The following PCNX4 variants were observed in gnomAD, a reference collection of about 807,000 sequenced individuals.
The protein encoded by PCNX4 is pecanex-like protein 4.
Under a neutral mutation model 107.2 loss-of-function variants are expected in PCNX4, and 103 were observed. That is an observed-to-expected ratio of 0.96 (90% CI 0.82 to 1.13). The LOEUF is 1.13. Ranked by LOEUF, PCNX4 falls within the 50% of genes most tolerant of loss-of-function variation. The pLI is 0.00. For synonymous variants in PCNX4, 541 were observed against 481.7 expected (o/e 1.12, Z -1.61); for missense variants, 1,528 against 1,379.4 (o/e 1.11, Z -1.71).
At chr14:60,113,702 C>T (rs997876492) in intron 2 of PCNX4, among the ~76,000 whole-genome samples, 4 of 152,160 alleles carry the variant, frequency 2.6e-5, no homozygotes, top group African/African-American at 7.2e-5. Flanking sequence ...TTGGATTTCC[C>T]GTAGTTTGGG....
At chr14:60,132,608 T>C (rs1394459423) in intron 10 of PCNX4, among the ~76,000 whole-genome samples, 2 of 151,966 alleles carry the variant, frequency 1.3e-5, no homozygotes, top group African/African-American at 4.8e-5. Flanking sequence ...TAGATAAATA[T>C]GACTTCATCA....
At position 60,125,105 on chromosome 14, in the gene PCNX4, T is replaced by C; in HGVS notation, c.2934T>C (p.Cys978=). ...KDFYVHTVMT[C]YFSLFGIDNM... is the part of the protein sequence containing the mutation. ...TTTATGTTCATACAGTAATGACTTG[T>C]TATTTTAGTTTATTTGGAATAGACA... Residue 978 remains cysteine (C), a synonymous_variant, in exon 9 of 11, where the codon TGT becomes TGC. Transcript: ENST00000406854. The C allele has an allele frequency of 6.2e-7, 1 of 1,613,312 alleles. No homozygotes were observed. The highest frequency in any genetic ancestry group is 8.5e-7 in the Non-Finnish European group (1 of 1,179,544).
intron 7 of PCNX4, 32 bp from the exon 8 acceptor site, chr14:60,121,164 T>TTTTTTTTTTTTTTTTTTTTTAA: frequency 7.2e-7 from 1 of 1,386,204 alleles, no homozygotes; most frequent in Non-Finnish European, 9.5e-7. Flanking sequence ...TGATTTTCTT[T>TTTTTTTTTTTTTTTTTTTTTAA]TTTTTTTTTT....
At chr14:60,099,905 GA>G (rs960829170) in intron 1 of PCNX4, among the ~76,000 whole-genome samples, 1 of 148,768 alleles carries the variant, frequency 6.7e-6, no homozygotes, top group Non-Finnish European at 1.5e-5. Flanking sequence ...CTCTACTGGG[GA>G]AAAAAAAAAT....
chr14:60,125,113 G>A lies in PCNX4; in HGVS notation c.2942G>A (p.Ser981Asn), dbSNP rs767519319. Residue 981 changes from serine to asparagine, a missense_variant, in exon 9 of 11, where the codon AGT (serine) becomes AAT (asparagine). By Grantham distance (46) the Ser-to-Asn change is conservative. Transcript: ENST00000406854. ...CATACAGTAATGACTTGTTATTTTAGTTTATTTGGAATAGACAATATGGCT... is the reference window on the plus strand; with the variant it reads ...CATACAGTAATGACTTGTTATTTTAATTTATTTGGAATAGACAATATGGCT... ...YVHTVMTCYF[S>N]LFGIDNMAPS... is the part of the protein sequence containing the mutation. 1 of 1,613,042 alleles carries A rather than the reference G, an allele frequency of 6.2e-7. No individual in the cohort carries two copies. The highest frequency in any genetic ancestry group is 1.1e-5 in the South Asian group (1 of 91,024).
In PCNX4 at chr14:60,142,654, A is replaced by AG. The variant is rs1236639914; in HGVS notation, c.*8436dup. The AG allele has an allele frequency of 4.6e-5, 7 of 152,322 alleles. No homozygotes were observed. In the East Asian group the frequency reaches 1.2e-3, roughly 25 times the overall value. 9.4% of individuals were successfully genotyped at this position (152,322 alleles called of 1,614,324 possible). ...TGACAAAAAAGCCTAAGAAAGAAAG[A>AG]GGGTGTGTACAGAAAATTACATGCC... On this transcript the variant is annotated 3_prime_UTR_variant, in exon 11 of 11. Coordinates refer to ENST00000406854, the MANE Select transcript of PCNX4 (RefSeq NM_001330177.2). This position sits in a 1 kb window ranked among gnomAD's most constrained non-coding sequence, Gnocchi z 4.7.
chr14:60,104,318 CAAA>C (rs200434027), intron 1 of PCNX4, among the ~76,000 whole-genome samples: 9 of 129,558 alleles, frequency 6.9e-5, no homozygotes, highest in African/African-American at 3.2e-4. Context: ...GACTCCATCT[CAAA>C]AAAAAAAAAA....
Position 60,145,912 on chromosome 14 carries a change from A to C in PCNX4, c.*11691A>C, listed in dbSNP as rs1896394365. 6.6e-6 allele frequency: 1 copy of C among 151,812 alleles called. No individual in the cohort carries two copies. Among genetic ancestry groups the C allele is most frequent in the Admixed American group, 6.6e-5 (1 of 15,226 alleles). The allele number at this position is 151,812 out of a possible 1,614,324, so 9.4% of individuals were successfully genotyped here. A position where few individuals can be genotyped will look rare whatever the true frequency, so the allele number is the denominator to read the frequency against. ...TAAAGATTCATAAAAACAAAGTTCC[A>C]GACATACAGACTAAAGAAGCAAATT... On this transcript the variant is annotated 3_prime_UTR_variant, in exon 11 of 11. Transcript: ENST00000406854. This position sits in a 1 kb window ranked among gnomAD's most constrained non-coding sequence, Gnocchi z 4.0.
intron 1 of PCNX4, among the ~76,000 whole-genome samples, chr14:60,102,535 A>G (rs768653268): frequency 6.6e-6 from 1 of 152,192 alleles, no homozygotes; most frequent in Non-Finnish European, 1.5e-5. Context: ...TCTTGTGAGT[A>G]ATGTGTAACA....
In PCNX4 at chr14:60,142,651, A is replaced by G. The variant is rs1461632675; in HGVS notation, c.*8430A>G. On this transcript the variant is annotated 3_prime_UTR_variant, in exon 11 of 11. Transcript: ENST00000406854. The surrounding 1 kb of genome is among the most constrained non-coding windows in gnomAD (Gnocchi z 4.7). Reference sequence around the variant, plus strand: ...TGCTGACAAAAAAGCCTAAGAAAGAAAGAGGGTGTGTACAGAAAATTACAT... The same window carrying G: ...TGCTGACAAAAAAGCCTAAGAAAGAGAGAGGGTGTGTACAGAAAATTACAT... 1.3e-5 allele frequency: 2 copies of G among 152,218 alleles called. No individual in the cohort carries two copies. Among genetic ancestry groups the G allele is most frequent in the African/African-American group, 4.8e-5 (2 of 41,444 alleles). 9.4% of individuals were successfully genotyped at this position (152,218 alleles called of 1,614,324 possible). A position where few individuals can be genotyped will look rare whatever the true frequency, so the allele number is the denominator to read the frequency against.
chr14:60,123,336 T>G (rs1193147392), intron 8 of PCNX4, among the ~76,000 whole-genome samples: 22 of 152,044 alleles, frequency 1.4e-4, no homozygotes, highest in Admixed American at 1.4e-3. Context: ...TTACAAAACA[T>G]GCAACCTTCA....
intron 1 of PCNX4, among the ~76,000 whole-genome samples, chr14:60,099,088 A>G (rs1270669139): frequency 6.6e-6 from 1 of 152,150 alleles, no homozygotes. Context: ...CCCTCAACAG[A>G]TAGCACTTGG....
In PCNX4 at chr14:60,115,047, G is replaced by A; in HGVS notation, c.943G>A (p.Val315Ile). ...SYFIPSTVGV[V>I]LFMTGFGFLL... is the part of the protein sequence containing the mutation. The stretch of plus-strand genomic sequence containing the variant: ...TTTCATTCCAAGCACTGTTGGTGTG[G>A]TTCTTTTCATGACTGGATTTGGTTT... Residue 315 changes from valine (V) to isoleucine (I), a missense_variant, in exon 4 of 11, where the codon GTT becomes ATT. Transcript: ENST00000406854. The A allele has an allele frequency of 1.9e-6, 3 of 1,613,668 alleles. No individual in the cohort carries two copies. The highest frequency in any genetic ancestry group is 2.7e-5 in the African/African-American group (2 of 74,950).
At position 60,124,857 on chromosome 14, in the gene PCNX4, T is replaced by C. The variant is rs765004989; in HGVS notation, c.2686T>C (p.Tyr896His). ...VDKGKQEDMP[Y>H]IPLMEFSCSH... Reference sequence around the variant, plus strand: ...CAAAGGAAAACAAGAGGACATGCCATATATTCCTCTCATGGAGTTCAGTTG... The same window carrying C: ...CAAAGGAAAACAAGAGGACATGCCACATATTCCTCTCATGGAGTTCAGTTG... The change falls in exon 9 of 11, where the codon TAT becomes CAT. Residue 896 changes from tyrosine to histidine, a missense_variant. Coordinates refer to ENST00000406854, the MANE Select transcript of PCNX4 (RefSeq NM_001330177.2). 6 of 1,613,828 alleles carry C rather than the reference T, an allele frequency of 3.7e-6. No individual in the cohort carries two copies. The highest frequency in any genetic ancestry group is 5.1e-6 in the Non-Finnish European group (6 of 1,179,790).
At chr14:60,121,065 A>G in intron 7 of PCNX4, 131 bp from the exon 8 acceptor site, 1 of 1,129,044 alleles carries the variant, frequency 8.9e-7, no homozygotes. Context: ...TCTGTTCTTG[A>G]CCTAATGAGA....
At chr14:60,127,416 G>A (rs1259754989) in intron 10 of PCNX4, among the ~76,000 whole-genome samples, 1 of 152,176 alleles carries the variant, frequency 6.6e-6, no homozygotes, top group Non-Finnish European at 1.5e-5. Flanking sequence ...CTGGCAATCA[G>A]TGGAGCTTAA....
chr14:60,134,273 C>A lies in PCNX4; in HGVS notation c.*52C>A. On this transcript the variant is annotated 3_prime_UTR_variant, in exon 11 of 11. Coordinates refer to ENST00000406854, the MANE Select transcript of PCNX4 (RefSeq NM_001330177.2). ...AATGCAATGTTTTTATTTTTTCATC[C>A]TAAAAAAGTAACTGTGATTCTTGTA... 1.3e-6 allele frequency: 2 copies of A among 1,579,940 alleles called. No homozygotes were observed. The highest frequency in any genetic ancestry group is 1.1e-5 in the South Asian group (1 of 88,116).
chr14:60,114,987 T>G lies in PCNX4; in HGVS notation c.883T>G (p.Phe295Val). 6.2e-7 allele frequency: 1 copy of G among 1,601,552 alleles called. No individual in the cohort carries two copies. The highest frequency in any genetic ancestry group is 8.5e-7 in the Non-Finnish European group (1 of 1,172,846). Residue 295 changes from phenylalanine to valine, a missense_variant, in exon 4 of 11, where the codon TTC becomes GTC. By Grantham distance (50) the Phe-to-Val change is conservative. Transcript: ENST00000406854. Reference protein sequence around the residue: ...MSTHLRLLVMFIMSAGTAIAS... With the variant: ...MSTHLRLLVMVIMSAGTAIAS... The stretch of plus-strand genomic sequence containing the variant: ...TTTTCTGTACAGGTTATTAGTAATG[T>G]TCATCATGTCTGCTGGAACAGCTAT...
At chr14:60,125,580 G>C (rs1332796400) in intron 9 of PCNX4, 57 bp from the exon 10 acceptor site, 2 of 1,213,796 alleles carry the variant, frequency 1.6e-6, no homozygotes, top group Non-Finnish European at 2.2e-6. Context: ...AAATCTATTT[G>C]ATCTTTAAAG....
Sources: gnomAD v4.1 joint callset for allele counts (sites outside exome capture counted in the v4.1 genomes callset) on GRCh38, gnomAD v4.1.1 for gene constraint, Gnocchi (gnomAD v3.1) non-coding constraint, MANE v1.5 for transcripts, NCBI Gene and HGNC (gene_info 2026-07-23, HGNC 2026-07-21) for gene names.